Variants in LDB1 observed in about 807,000 individuals in gnomAD.
LDB1 encodes the protein LIM domain-binding protein 1.
LDB1 carries 6 observed loss-of-function variants against 49.7 expected under a neutral mutation model. The observed-to-expected ratio is 0.12, with a 90% CI of 0.07 to 0.24. The LOEUF (loss-of-function observed/expected upper bound fraction) is 0.24. Among genes scored for constraint, LDB1 ranks in the 10% least tolerant of loss-of-function variants. The pLI is 1.00. For missense variants in LDB1, 341 were observed against 561.7 expected, an observed-to-expected ratio of 0.61 and a Z score of 3.97; for synonymous variants, 233 against 202.0, an observed-to-expected ratio of 1.15 and a Z score of -1.30.
intron 1 of LDB1, among the ~76,000 whole-genome samples, chr10:102,116,087 G>C (rs2068333147): frequency 6.6e-6 from 1 of 152,136 alleles, no homozygotes; most frequent in Non-Finnish European, 1.5e-5. Context: ...CTAGTTAACT[G>C]TGCAGTAATA....
At chr10:102,112,229 A>G (rs985793044) in intron 1 of LDB1, among the ~76,000 whole-genome samples, 1 of 152,218 alleles carries the variant, frequency 6.6e-6, no homozygotes, top group African/African-American at 2.4e-5. Flanking sequence ...AATCATCAAA[A>G]CAACCTTATG....
At chr10:102,108,681 G>C (rs1025798326) in intron 10 of LDB1, among the ~76,000 whole-genome samples, 3 of 152,166 alleles carry the variant, frequency 2.0e-5, no homozygotes, top group African/African-American at 7.2e-5. Flanking sequence ...CATGTGCAAG[G>C]GTATGTATTC....
In LDB1 at chr10:102,109,309, A is replaced by G. The variant is rs1181949984; in HGVS notation, c.856+75T>C. On this transcript the variant is annotated intron_variant, in intron 9 of 10. Transcript: ENST00000673968. This position sits in a 1 kb window ranked among gnomAD's most constrained non-coding sequence, Gnocchi z 5.8. The stretch of plus-strand genomic sequence containing the variant: ...CGGGAACAAGGAAGGGGTGGGGAAA[A>G]CTTCAAAAGGAAATAAAGATACAGC... 2 of 1,606,056 alleles carry G rather than the reference A, an allele frequency of 1.2e-6. No homozygotes were observed. The highest frequency in any genetic ancestry group is 1.7e-6 in the Non-Finnish European group (2 of 1,175,776).
intron 1 of LDB1, among the ~76,000 whole-genome samples, chr10:102,118,872 A>G (rs1310889216): frequency 6.6e-6 from 1 of 152,018 alleles, no homozygotes; most frequent in Non-Finnish European, 1.5e-5. Flanking sequence ...CCTCTCCCCA[A>G]CCCTCTGCAG....
rs777138750 is a variant in LDB1, at chr10:102,109,371, G to A, written c.856+13C>T. The A allele has an allele frequency of 9.9e-6, 16 of 1,613,754 alleles. No homozygotes were observed. The South Asian group carries it at 1.8e-4, about 18-fold the overall frequency. On this transcript the variant is annotated intron_variant, in intron 9 of 10. Coordinates refer to ENST00000673968, the MANE Select transcript of LDB1 (RefSeq NM_001113407.3). This position sits in a 1 kb window ranked among gnomAD's most constrained non-coding sequence, Gnocchi z 5.8. ...GTGTGAGATCCTGGTAAGAGCAGGT[G>A]CAAGGCACTCACCAGGGGGTGCTAC...
At position 102,109,814 on chromosome 10, in the gene LDB1, A is replaced by C; in HGVS notation, c.648+107T>G. 6.4e-7 allele frequency: 1 copy of C among 1,565,294 alleles called. No individual in the cohort carries two copies. Among genetic ancestry groups the C allele is most frequent in the Non-Finnish European group, 8.7e-7 (1 of 1,144,774 alleles). ...TATTAAACCTGCTGTTCAGATGAAGAAACCCTAACCCTCTGTCTAAGTAGT... is the reference window on the plus strand; with the variant it reads ...TATTAAACCTGCTGTTCAGATGAAGCAACCCTAACCCTCTGTCTAAGTAGT... On this transcript the variant is annotated intron_variant, in intron 7 of 10. Transcript: ENST00000673968. This position sits in a 1 kb window ranked among gnomAD's most constrained non-coding sequence, Gnocchi z 5.8.
Position 102,120,167 on chromosome 10 carries a change from G to A in LDB1, c.-57C>T, listed in dbSNP as rs529544320. ...GAGTCACGGTGCCCGCCCCTCGCGG[G>A]GACAGGCCGGGCATGAGCCGCCGCC... On this transcript the variant is annotated 5_prime_UTR_variant, in exon 1 of 11. Transcript: ENST00000673968. 6.5e-4 allele frequency: 794 copies of A among 1,220,920 alleles called. 1 individual carries two copies. Among genetic ancestry groups the A allele is most frequent in the Non-Finnish European group, 8.0e-4 (776 of 973,784 alleles). The allele number at this position is 1,220,920 out of a possible 1,614,324, so 75.6% of individuals were successfully genotyped here. A position where few individuals can be genotyped will look rare whatever the true frequency, so the allele number is the denominator to read the frequency against.
At chr10:102,114,994 T>TC in intron 1 of LDB1, 2 of 324,564 alleles carry the variant, frequency 6.2e-6, no homozygotes, top group Non-Finnish European at 8.9e-6. Context: ...TCCGAGCCTC[T>TC]CTCAGAATGA....
chr10:102,114,098 CT>C (rs2068296598), intron 1 of LDB1, among the ~76,000 whole-genome samples: 1 of 152,270 alleles, frequency 6.6e-6, no homozygotes, highest in Non-Finnish European at 1.5e-5. Context: ...CATAGCCCCC[CT>C]CCCACCTCTA....
At chr10:102,105,094 C>T (rs2068145059), downstream of LDB1, among the ~76,000 whole-genome samples, 1 of 152,196 alleles carries the variant, frequency 6.6e-6, no homozygotes, top group Non-Finnish European at 1.5e-5. Flanking sequence ...CCCTCCCTAG[C>T]TCAGCAGCAC....
chr10:102,117,265 G>A lies in LDB1; in HGVS notation c.25+2821C>T, dbSNP rs183264889. Among the ~76,000 whole-genome samples the A allele has an allele frequency of 3.3e-4, 50 of 152,274 alleles. No homozygotes were observed. The highest frequency in any genetic ancestry group is 7.8e-4 in the Admixed American group (12 of 15,292). On this transcript the variant is annotated intron_variant, in intron 1 of 10. Coordinates refer to ENST00000673968, the MANE Select transcript of LDB1 (RefSeq NM_001113407.3). This position sits in a 1 kb window ranked among gnomAD's most constrained non-coding sequence, Gnocchi z 4.2. ...GGGCCCCTAAATGCCAAGATGTATC[G>A]ACTGGCAAACCATTCAAAACAGGCC... is the stretch of plus-strand genomic sequence containing the variant.
chr10:102,116,062 C>A (rs932630133), intron 1 of LDB1, among the ~76,000 whole-genome samples: 11 of 152,192 alleles, frequency 7.2e-5, no homozygotes, highest in African/African-American at 2.7e-4. Flanking sequence ...GACAGGATTT[C>A]TTATGACATA....
downstream of LDB1, among the ~76,000 whole-genome samples, chr10:102,103,557 T>C (rs1046763226): frequency 1.3e-5 from 2 of 152,056 alleles, no homozygotes; most frequent in African/African-American, 4.8e-5. Context: ...CTCAGGTCTG[T>C]AATCTCAGCA....
Position 102,109,220 on chromosome 10 carries a change from T to A in LDB1, c.857-43A>T. On this transcript the variant is annotated intron_variant, in intron 9 of 10. Transcript: ENST00000673968. The surrounding 1 kb of genome is among the most constrained non-coding windows in gnomAD (Gnocchi z 5.8). The stretch of plus-strand genomic sequence containing the variant: ...GACTCAGATGGGAGAGGGCCCCAGG[T>A]CCCCTATTCTCCATTGTGGCTCCCA... The A allele has an allele frequency of 1.2e-6, 2 of 1,611,378 alleles. No homozygotes were observed. Among genetic ancestry groups the A allele is most frequent in the Non-Finnish European group, 1.7e-6 (2 of 1,179,402 alleles).
intron 1 of LDB1, chr10:102,115,065 A>C (rs144266522): frequency 0.016 from 2,535 of 153,960 alleles, 37 homozygotes; most frequent in Middle Eastern, 0.036. Context: ...CCCTGAGAGG[A>C]AAGAGGAAGA....
chr10:102,114,395 C>T lies in LDB1; in HGVS notation c.26-2859G>A, dbSNP rs538406351. The T allele has an allele frequency of 3.1e-5, 31 of 986,308 alleles. No individual in the cohort carries two copies. The South Asian group carries it at 1.0e-3, about 33-fold the overall frequency. The allele number at this position is 986,308 out of a possible 1,614,324, so 61.1% of individuals were successfully genotyped here. ...CCACCCCCAACAGGCTCGCAGGGTG[C>T]CCAGACTTACCTGGGAGAACTGAGG... On this transcript the variant is annotated intron_variant, in intron 1 of 10. Coordinates refer to ENST00000673968, the MANE Select transcript of LDB1 (RefSeq NM_001113407.3).
intron 1 of LDB1, among the ~76,000 whole-genome samples, chr10:102,118,743 G>A (rs1449499863): frequency 1.3e-5 from 2 of 152,182 alleles, no homozygotes. Flanking sequence ...TCTGAAAGGG[G>A]TACCCAGCAT....
Position 102,114,761 on chromosome 10 carries a change from T to C in LDB1, c.26-3225A>G, listed in dbSNP as rs951137990. 9 of 888,068 alleles carry C rather than the reference T, an allele frequency of 1.0e-5. No homozygotes were observed. In the African/African-American group the frequency reaches 1.6e-4, roughly 16 times the overall value. The allele number at this position is 888,068 out of a possible 1,614,324, so 55.0% of individuals were successfully genotyped here. On this transcript the variant is annotated intron_variant, in intron 1 of 10. Coordinates refer to ENST00000673968, the MANE Select transcript of LDB1 (RefSeq NM_001113407.3). The stretch of plus-strand genomic sequence containing the variant: ...TCCGCTCTTTCCTCTCTCCTCCTCC[T>C]CCTTCTCGGCTCTCCCCGCCGCCGC...
At chr10:102,110,776 T>G in intron 5 of LDB1, 75 bp from the exon 6 acceptor site, 1 of 1,580,014 alleles carries the variant, frequency 6.3e-7, no homozygotes, top group Non-Finnish European at 8.7e-7. Flanking sequence ...CCTACCAATC[T>G]AGATATCCCC....
Sources: allele counts gnomAD v4.1 joint callset (sites outside exome capture counted in the v4.1 genomes callset), GRCh38; gene constraint gnomAD v4.1.1; non-coding constraint Gnocchi (gnomAD v3.1); transcripts MANE v1.5; gene names NCBI Gene and HGNC (gene_info 2026-07-23, HGNC 2026-07-21).